KCNB2: variants seen among roughly 807,000 people sequenced by gnomAD.
KCNB2 encodes the protein delayed rectifier potassium channel protein.
In KCNB2, 15 loss-of-function variants were observed where a neutral mutation model predicts 61.5. The observed-to-expected ratio is 0.24, with a 90% CI of 0.16 to 0.38. The LOEUF is 0.38. KCNB2 is among the 10% of genes least tolerant of loss of function. The probability of loss-of-function intolerance (pLI) is 1.00; values close to 1 mark genes in which losing one functional copy is unlikely to be tolerated. For synonymous variants in KCNB2, 457 were observed against 446.0 expected (o/e 1.02, Z -0.31); for missense variants, 828 against 1,125.2 (o/e 0.74, Z 3.78).
chr8:72,662,060 C>T (rs912624575), intron 2 of KCNB2, among the ~76,000 whole-genome samples: 3 of 152,148 alleles, frequency 2.0e-5, no homozygotes, highest in African/African-American at 7.2e-5. Context: ...GCAGAAATTC[C>T]AGCATCCAGT....
intron 2 of KCNB2, among the ~76,000 whole-genome samples, chr8:72,783,753 G>A (rs1291274530): frequency 6.6e-6 from 1 of 152,286 alleles, no homozygotes; most frequent in Non-Finnish European, 1.5e-5. Flanking sequence ...CACCAGGCAC[G>A]TAGCCATTTG....
intron 2 of KCNB2, among the ~76,000 whole-genome samples, chr8:72,896,892 C>G (rs1335210417): frequency 6.6e-6 from 1 of 152,102 alleles, no homozygotes; most frequent in Non-Finnish European, 1.5e-5. Flanking sequence ...TATTTTCACT[C>G]TCATTGTCAA....
At chr8:72,776,227 A>G (rs1474305183) in intron 2 of KCNB2, among the ~76,000 whole-genome samples, 2 of 133,670 alleles carry the variant, frequency 1.5e-5, no homozygotes, top group Non-Finnish European at 3.1e-5. Context: ...CAGGAAGGGG[A>G]ATATCACACA....
At chr8:72,924,915 G>A (rs189224922) in intron 2 of KCNB2, among the ~76,000 whole-genome samples, 24 of 152,262 alleles carry the variant, frequency 1.6e-4, no homozygotes, top group South Asian at 4.1e-4. Context: ...AGTGGATCAC[G>A]CAAGCTCTCT....
chr8:72,909,024 A>ATATT (rs1806229991), intron 2 of KCNB2, among the ~76,000 whole-genome samples: 1 of 152,186 alleles, frequency 6.6e-6, no homozygotes, highest in Non-Finnish European at 1.5e-5. Context: ...ACAGTCAACA[A>ATATT]TATTTATTAA....
intron 2 of KCNB2, among the ~76,000 whole-genome samples, chr8:72,841,335 T>C (rs1385150514): frequency 6.6e-6 from 1 of 150,710 alleles, no homozygotes; most frequent in Non-Finnish European, 1.5e-5. Context: ...TCAGGTAGCA[T>C]GATACCTCCA....
intron 2 of KCNB2, among the ~76,000 whole-genome samples, chr8:72,690,770 C>G (rs1265273381): frequency 6.6e-6 from 1 of 151,934 alleles, no homozygotes; most frequent in Admixed American, 6.6e-5. Flanking sequence ...ATTCAGATGC[C>G]CATGAGGGAA....
At chr8:72,682,808 C>T (rs930192485) in intron 2 of KCNB2, among the ~76,000 whole-genome samples, 9 of 152,152 alleles carry the variant, frequency 5.9e-5, no homozygotes, top group South Asian at 2.1e-4. Flanking sequence ...GGTCTCACTA[C>T]GTTGCCCAGG....
intron 2 of KCNB2, among the ~76,000 whole-genome samples, chr8:72,649,445 G>A (rs757423981): frequency 7.2e-5 from 11 of 152,116 alleles, no homozygotes; most frequent in Non-Finnish European, 1.5e-4. Flanking sequence ...GAGACTACTA[G>A]AGTAGGGAGG....
At chr8:72,904,406 G>C (rs1806137424) in intron 2 of KCNB2, among the ~76,000 whole-genome samples, 1 of 152,084 alleles carries the variant, frequency 6.6e-6, no homozygotes, top group South Asian at 2.1e-4. Context: ...AATAACTTGT[G>C]GGTGCTGGGA....
chr8:72,776,338 C>T (rs1388250572), intron 2 of KCNB2, among the ~76,000 whole-genome samples: 2 of 152,130 alleles, frequency 1.3e-5, no homozygotes, highest in Non-Finnish European at 2.9e-5. Context: ...CAACGTGGCA[C>T]ATGTATACAT....
chr8:72,709,613 C>G (rs1807291785), intron 2 of KCNB2, among the ~76,000 whole-genome samples: 1 of 151,902 alleles, frequency 6.6e-6, no homozygotes, highest in South Asian at 2.1e-4. Context: ...GATTACTCTT[C>G]AACTAACTGA....
chr8:72,799,895 G>A (rs1421690168), intron 2 of KCNB2, among the ~76,000 whole-genome samples: 1 of 152,146 alleles, frequency 6.6e-6, no homozygotes, highest in East Asian at 1.9e-4. Context: ...GTCCTGCTTA[G>A]AGCAGGACAG....
chr8:72,559,433 C>T (rs904869008), intron 1 of KCNB2, among the ~76,000 whole-genome samples: 3 of 152,178 alleles, frequency 2.0e-5, no homozygotes, highest in African/African-American at 7.2e-5. Context: ...GTGTGAGCCA[C>T]CGCACCCGGC....
chr8:72,583,948 C>CAAAAAAAAAAAAA (rs71566823), intron 2 of KCNB2, among the ~76,000 whole-genome samples: 16 of 100,824 alleles, frequency 1.6e-4, no homozygotes, highest in African/African-American at 3.3e-4. Context: ...AATAGAATAT[C>CAAAAAAAAAAAAA]AAAAAAAAAA....
intron 2 of KCNB2, among the ~76,000 whole-genome samples, chr8:72,737,209 G>C (rs1250798559): frequency 6.6e-6 from 1 of 152,076 alleles, no homozygotes; most frequent in African/African-American, 2.4e-5. Context: ...CATAAGCTTG[G>C]ATTATAGTTT....
intron 1 of KCNB2, among the ~76,000 whole-genome samples, chr8:72,566,645 T>G (rs1585755439): frequency 6.6e-6 from 1 of 150,546 alleles, no homozygotes; most frequent in East Asian, 1.9e-4. Context: ...AGGCAGAAGT[T>G]GCAGTGAGCT....
chr8:72,855,681 C>CA (rs1229894259), intron 2 of KCNB2, among the ~76,000 whole-genome samples: 1 of 151,914 alleles, frequency 6.6e-6, no homozygotes, highest in Non-Finnish European at 1.5e-5. Flanking sequence ...TTCTGGTAAA[C>CA]AAAAAAGATT....
chr8:72,698,434 T>C (rs996324707), intron 2 of KCNB2, among the ~76,000 whole-genome samples: 4 of 152,214 alleles, frequency 2.6e-5, no homozygotes, highest in Non-Finnish European at 5.9e-5. Flanking sequence ...ATGTCCATAC[T>C]GCCCAAAGCA....
Sources: gnomAD v4.1 joint callset for allele counts (sites outside exome capture counted in the v4.1 genomes callset) on GRCh38, gnomAD v4.1.1 for gene constraint, MANE v1.5 for transcripts, NCBI Gene and HGNC (gene_info 2026-07-23, HGNC 2026-07-21) for gene names.